The following AGO4 variants were observed in gnomAD, a reference collection of about 807,000 sequenced individuals.
AGO4 encodes protein argonaute-4.
Under a neutral mutation model 104.7 loss-of-function variants are expected in AGO4, and 33 were observed. That is an observed-to-expected ratio of 0.32 (90% CI 0.24 to 0.42). AGO4 has a LOEUF of 0.42. AGO4 is among the 10% of genes least tolerant of loss of function. The pLI is 1.00. For synonymous variants in AGO4, 331 were observed against 364.7 expected, an observed-to-expected ratio of 0.91 and a Z score of 1.05; for missense variants, 711 against 1,083.4, an observed-to-expected ratio of 0.66 and a Z score of 4.83.
At chr1:35,821,833 T>C (rs1643892487) in intron 2 of AGO4, among the ~76,000 whole-genome samples, 1 of 152,010 alleles carries the variant, frequency 6.6e-6, no homozygotes, top group South Asian at 2.1e-4. Flanking sequence ...GATTTACTGA[T>C]CCTCAGATTT....
rs887554602 is a variant in AGO4 at position 35,841,027 on chromosome 1, G to T, written c.1725-138G>T. ...TGACATCAATATTCAGTGGTCCGTA[G>T]TGTTCTTTCCCAATGGGCTTAAGTC... On this transcript the variant is annotated intron_variant, in intron 13 of 17. Transcript: ENST00000373210. This position sits in a 1 kb window ranked among gnomAD's most constrained non-coding sequence, Gnocchi z 4.7. The T allele has an allele frequency of 3.5e-6, 3 of 859,036 alleles. No individual in the cohort carries two copies. In the African/African-American group the frequency reaches 5.1e-5, roughly 15 times the overall value. 53.2% of individuals were successfully genotyped at this position (859,036 alleles called of 1,614,324 possible).
chr1:35,824,315 T>C (rs777552108), intron 3 of AGO4, among the ~76,000 whole-genome samples: 1 of 152,162 alleles, frequency 6.6e-6, no homozygotes, highest in Non-Finnish European at 1.5e-5. Flanking sequence ...AGATATGTTA[T>C]GTATATTAGC....
chr1:35,850,794 AAAAAACAAAAAC>A (rs1201576146), intron 16 of AGO4, 48 bp from the exon 17 acceptor site: 2 of 1,100,824 alleles, frequency 1.8e-6, no homozygotes, highest in African/African-American at 2.0e-5. Context: ...AAAAAAAAAA[AAAAAACAAAAAC>A]AAAAAACGAA....
intron 2 of AGO4, among the ~76,000 whole-genome samples, chr1:35,817,490 G>T (rs573321889): frequency 6.6e-6 from 1 of 152,180 alleles, no homozygotes; most frequent in Non-Finnish European, 1.5e-5. Context: ...TCATCTTGGA[G>T]TACTGAGAAA....
rs561720363 is a variant in AGO4 at position 35,839,444 on chromosome 1, G to A, written c.1725-1721G>A. Reference sequence around the variant, plus strand: ...TTAAACTTCTTTGGTTTGGATTGCAGCTTTTCCTCTCCTAGCTGTGTGATC... The same window carrying A: ...TTAAACTTCTTTGGTTTGGATTGCAACTTTTCCTCTCCTAGCTGTGTGATC... On this transcript the variant is annotated intron_variant, in intron 13 of 17. Transcript: ENST00000373210. 7.9e-5 allele frequency among the ~76,000 whole-genome samples: 12 copies of A among 152,254 alleles called. No homozygotes were observed. In the East Asian group the frequency reaches 2.1e-3, roughly 27 times the overall value.
At chr1:35,820,063 T>G (rs529968981) in intron 2 of AGO4, among the ~76,000 whole-genome samples, 1 of 152,254 alleles carries the variant, frequency 6.6e-6, no homozygotes, top group African/African-American at 2.4e-5. Context: ...GAGAGACCAC[T>G]GGGATAGGAG....
intron 2 of AGO4, among the ~76,000 whole-genome samples, chr1:35,821,111 TTACGAGGTTG>T (rs1275067357): frequency 6.6e-6 from 1 of 152,192 alleles, no homozygotes; most frequent in African/African-American, 2.4e-5. Context: ...CCTATTTGTT[TTACGAGGTTG>T]CTGTGAAGAT....
chr1:35,842,908 T>G (rs999187177), intron 15 of AGO4, among the ~76,000 whole-genome samples: 13 of 152,220 alleles, frequency 8.5e-5, no homozygotes, highest in Non-Finnish European at 1.9e-4. Flanking sequence ...CTTTGATATT[T>G]TTTAATGACT....
chr1:35,817,284 C>T (rs1643742160), intron 2 of AGO4, among the ~76,000 whole-genome samples: 1 of 152,084 alleles, frequency 6.6e-6, no homozygotes, highest in African/African-American at 2.4e-5. Context: ...AGAAAGGTCG[C>T]TCTTTCATTG....
At chr1:35,814,137 A>G (rs937180179) in intron 1 of AGO4, among the ~76,000 whole-genome samples, 4 of 151,600 alleles carry the variant, frequency 2.6e-5, no homozygotes, top group Non-Finnish European at 5.9e-5. Context: ...AAGGAAGGAA[A>G]GAAGGAAGGA....
At chr1:35,812,414 GATA>G (rs1393609803) in intron 1 of AGO4, among the ~76,000 whole-genome samples, 1 of 151,998 alleles carries the variant, frequency 6.6e-6, no homozygotes, top group Non-Finnish European at 1.5e-5. Context: ...AAGTACTTCA[GATA>G]ATAATACATA....
At chr1:35,827,943 C>T (rs1316602769) in intron 7 of AGO4, among the ~76,000 whole-genome samples, 1 of 151,364 alleles carries the variant, frequency 6.6e-6, no homozygotes, top group Non-Finnish European at 1.5e-5. Context: ...TGGGGTTTTG[C>T]TATGTTGCCC....
At chr1:35,839,163 A>G (rs1415624284) in intron 13 of AGO4, among the ~76,000 whole-genome samples, 1 of 151,776 alleles carries the variant, frequency 6.6e-6, no homozygotes, top group Non-Finnish European at 1.5e-5. Context: ...TGTATTTTTC[A>G]TACAGACGAG....
At position 35,841,809 on chromosome 1, in the gene AGO4, C is replaced by CATATATATATAT; in HGVS notation, c.2175+60_2175+61insTATATATATATA. The CATATATATATAT allele has an allele frequency of 1.2e-6, 1 of 857,256 alleles. No individual in the cohort carries two copies. Among genetic ancestry groups the CATATATATATAT allele is most frequent in the Non-Finnish European group, 1.6e-6 (1 of 624,276 alleles). The allele number at this position is 857,256 out of a possible 1,614,324, so 53.1% of individuals were successfully genotyped here. On this transcript the variant is annotated intron_variant, in intron 15 of 17. Transcript: ENST00000373210. This position sits in a 1 kb window ranked among gnomAD's most constrained non-coding sequence, Gnocchi z 4.7. Reference sequence around the variant, plus strand: ...GGCTCTGGCAAGAGATGTATATATGCACATATATATATATATATATATATA... The same window carrying CATATATATATAT: ...GGCTCTGGCAAGAGATGTATATATGCATATATATATATACATATATATATATATATATATATA...
At chr1:35,819,918 GATGAGATT>G (rs1557553317) in intron 2 of AGO4, among the ~76,000 whole-genome samples, 1 of 152,094 alleles carries the variant, frequency 6.6e-6, no homozygotes, top group Non-Finnish European at 1.5e-5. Flanking sequence ...CATGAGACTG[GATGAGATT>G]ATGTTGAAAG....
chr1:35,851,958 C>G (rs995221366), intron 17 of AGO4, among the ~76,000 whole-genome samples: 3 of 152,092 alleles, frequency 2.0e-5, no homozygotes, highest in Non-Finnish European at 4.4e-5. Context: ...CAAGTCAGTA[C>G]AGATAAAAGT....
chr1:35,825,532 A>C, intron 4 of AGO4, 38 bp downstream of exon 4: 1 of 1,593,120 alleles, frequency 6.3e-7, no homozygotes, highest in Non-Finnish European at 8.6e-7. Flanking sequence ...TACAAATGTC[A>C]GACTTTTTTG....
intron 12 of AGO4, among the ~76,000 whole-genome samples, chr1:35,835,433 GCAAAA>G (rs1165782531): frequency 1.3e-5 from 2 of 152,122 alleles, no homozygotes; most frequent in African/African-American, 2.4e-5. Flanking sequence ...GAAAAAGGAA[GCAAAA>G]CAAAACAAAA....
chr1:35,811,476 A>C (rs1016071518), intron 1 of AGO4, among the ~76,000 whole-genome samples: 7 of 151,624 alleles, frequency 4.6e-5, no homozygotes, highest in Admixed American at 2.0e-4. Context: ...AAAACAAAAA[A>C]AAAAACAAAA....
Sources: gnomAD v4.1 joint callset for allele counts (sites outside exome capture counted in the v4.1 genomes callset) on GRCh38, gnomAD v4.1.1 for gene constraint, Gnocchi (gnomAD v3.1) non-coding constraint, MANE v1.5 for transcripts, NCBI Gene and HGNC (gene_info 2026-07-23, HGNC 2026-07-21) for gene names.